ARB2A: variants seen among roughly 807,000 people sequenced by gnomAD.
ARB2A encodes ARB2 cotranscriptional regulator A.
chr5:93,947,867 T>C, the ARB2A span, among the ~76,000 whole-genome samples: 1 of 151,836 alleles, frequency 6.6e-6, no homozygotes, highest in African/African-American at 2.4e-5. Context: ...TATGGCTGCA[T>C]AGTATTCCAT....
chr5:93,666,538 T>A, the ARB2A span, among the ~76,000 whole-genome samples: 630 of 151,318 alleles, frequency 4.2e-3, 2 homozygotes, highest in African/African-American at 0.014. Context: ...GAACTTGCAA[T>A]GAACAATACT....
chr5:93,713,313 A>T, the ARB2A span, among the ~76,000 whole-genome samples: 1 of 152,200 alleles, frequency 6.6e-6, no homozygotes, highest in Non-Finnish European at 1.5e-5. Context: ...CTGACAAGAG[A>T]TTAATAAACA....
At chr5:93,729,787 C>T in the ARB2A span, among the ~76,000 whole-genome samples, 1 of 152,042 alleles carries the variant, frequency 6.6e-6, no homozygotes, top group Non-Finnish European at 1.5e-5. Context: ...TCTTAGAATG[C>T]ACATGAGAGT....
the ARB2A span, among the ~76,000 whole-genome samples, chr5:93,943,504 T>G: frequency 6.6e-6 from 1 of 152,292 alleles, no homozygotes; most frequent in South Asian, 2.1e-4. Context: ...TATTAATTTT[T>G]CATAAGCAGC....
At chr5:93,945,320 A>C in the ARB2A span, among the ~76,000 whole-genome samples, 1 of 151,780 alleles carries the variant, frequency 6.6e-6, no homozygotes, top group African/African-American at 2.4e-5. Context: ...AGTCTGAGGC[A>C]GGAAGAATTG....
chr5:94,062,419 A>G, the ARB2A span, among the ~76,000 whole-genome samples: 1 of 152,026 alleles, frequency 6.6e-6, no homozygotes, highest in Admixed American at 6.6e-5. Flanking sequence ...GACAAGAAAC[A>G]CCCAAAAAGC....
chr5:94,036,838 T>C, the ARB2A span, among the ~76,000 whole-genome samples: 1 of 152,210 alleles, frequency 6.6e-6, no homozygotes, highest in South Asian at 2.1e-4. Flanking sequence ...TCAGGTTCTT[T>C]ATTAGAATCC....
the ARB2A span, among the ~76,000 whole-genome samples, chr5:93,919,949 A>C: frequency 6.6e-6 from 1 of 152,180 alleles, no homozygotes; most frequent in Non-Finnish European, 1.5e-5. Flanking sequence ...ACACACCTAA[A>C]TCTCCATAAA....
chr5:93,667,707 G>A, the ARB2A span, among the ~76,000 whole-genome samples: 1 of 151,968 alleles, frequency 6.6e-6, no homozygotes, highest in African/African-American at 2.4e-5. Context: ...AATCCTCCTG[G>A]CATGGGGATT....
At chr5:93,964,045 T>C in the ARB2A span, among the ~76,000 whole-genome samples, 7 of 152,008 alleles carry the variant, frequency 4.6e-5, no homozygotes, top group Non-Finnish European at 1.0e-4. Context: ...CAACATACTA[T>C]GTGTAGAAAT....
chr5:93,803,713 T>TAAAA, the ARB2A span, among the ~76,000 whole-genome samples: 1 of 141,362 alleles, frequency 7.1e-6, no homozygotes. Context: ...ACTTAAAAGT[T>TAAAA]AAAAAAAAAA....
the ARB2A span, among the ~76,000 whole-genome samples, chr5:93,981,281 C>T: frequency 6.6e-6 from 1 of 151,880 alleles, no homozygotes; most frequent in African/African-American, 2.4e-5. Context: ...GTTGCCCAGG[C>T]TAGTCTCAAA....
chr5:94,031,089 T>C, the ARB2A span, among the ~76,000 whole-genome samples: 1 of 152,218 alleles, frequency 6.6e-6, no homozygotes, highest in Non-Finnish European at 1.5e-5. Context: ...AAACTGGTAC[T>C]GGGTAGTGAG....
the ARB2A span, among the ~76,000 whole-genome samples, chr5:93,814,850 T>C: frequency 6.6e-6 from 1 of 152,196 alleles, no homozygotes; most frequent in Non-Finnish European, 1.5e-5. Context: ...TTGGTTTGCT[T>C]GTTTTTGGAG....
the ARB2A span, among the ~76,000 whole-genome samples, chr5:93,806,996 G>T: frequency 2.0e-5 from 3 of 152,058 alleles, no homozygotes; most frequent in East Asian, 5.8e-4. Context: ...ATCAAATTCA[G>T]CCATGACACA....
At chr5:93,767,993 CAAAAAAAAAAAAAA>C in the ARB2A span, among the ~76,000 whole-genome samples, 1,698 of 21,030 alleles carry the variant, frequency 0.081, 58 homozygotes, top group African/African-American at 0.15. Context: ...GACTCCATCT[CAAAAAAAAAAAAAA>C]AAAAAAAAAA....
the ARB2A span, among the ~76,000 whole-genome samples, chr5:94,010,068 A>G: frequency 6.6e-6 from 1 of 151,642 alleles, no homozygotes; most frequent in South Asian, 2.1e-4. Flanking sequence ...TACCTTCATC[A>G]TTTCTTTCTT....
chr5:93,948,652 T>A, the ARB2A span, among the ~76,000 whole-genome samples: 1 of 152,180 alleles, frequency 6.6e-6, no homozygotes, highest in Non-Finnish European at 1.5e-5. Context: ...GGTCTAACGT[T>A]TAAGTCTTTA....
chr5:93,994,090 T>A, the ARB2A span, among the ~76,000 whole-genome samples: 1 of 152,038 alleles, frequency 6.6e-6, no homozygotes, highest in Non-Finnish European at 1.5e-5. Context: ...GTGGCCAATA[T>A]GAAAAACAGT....
Sources: allele counts gnomAD v4.1 joint callset (sites outside exome capture counted in the v4.1 genomes callset), GRCh38; gene constraint gnomAD v4.1.1; transcripts MANE v1.5; gene names NCBI Gene and HGNC (gene_info 2026-07-23, HGNC 2026-07-21).